ATP13A5: variants seen among roughly 807,000 people sequenced by gnomAD.
ATP13A5 encodes the protein ATPase 13A5.
In ATP13A5, 149 loss-of-function variants were observed where a neutral mutation model predicts 150.2. The ratio of observed to expected loss-of-function variants is 0.99; its 90% CI spans 0.87 to 1.14. The LOEUF is 1.14. Ranked by LOEUF, ATP13A5 falls within the 50% of genes most tolerant of loss-of-function variation. The probability of loss-of-function intolerance (pLI) is 0.00; values close to 1 mark genes in which losing one functional copy is unlikely to be tolerated. For synonymous variants in ATP13A5, 497 were observed against 522.2 expected (o/e 0.95, Z 0.66); for missense variants, 1,383 against 1,449.3 (o/e 0.95, Z 0.74).
intron 9 of ATP13A5, among the ~76,000 whole-genome samples, chr3:193,343,683 G>T (rs932034260): frequency 6.6e-6 from 1 of 151,008 alleles, no homozygotes; most frequent in Non-Finnish European, 1.5e-5. Flanking sequence ...CCACTAATTG[G>T]TCAATTAATC....
chr3:193,366,096 A>G (rs1269212522), intron 1 of ATP13A5, among the ~76,000 whole-genome samples: 1 of 152,100 alleles, frequency 6.6e-6, no homozygotes, highest in African/African-American at 2.4e-5. Context: ...TGGAAAAACC[A>G]AATGATAGCT....
At chr3:193,378,583 C>CT (rs1713724645) in intron 1 of ATP13A5, 80 bp downstream of exon 1, 1 of 1,249,820 alleles carries the variant, frequency 8.0e-7, no homozygotes, top group Non-Finnish European at 1.2e-6. Context: ...ATGCTACACT[C>CT]TATTTTCTAA....
chr3:193,314,369 A>G, intron 18 of ATP13A5, 176 bp from the exon 19 acceptor site: 1 of 605,182 alleles, frequency 1.7e-6, no homozygotes, highest in Admixed American at 3.1e-5. Flanking sequence ...CTATGTTCCC[A>G]TCTCCCTCTC....
rs1317437371 is a variant in ATP13A5 at position 193,335,009 on chromosome 3, T to C, written c.1034A>G (p.His345Arg). 1 of 1,613,878 alleles carries C rather than the reference T, an allele frequency of 6.2e-7. No individual in the cohort carries two copies. Among genetic ancestry groups the C allele is most frequent in the East Asian group, 2.2e-5 (1 of 44,892 alleles). ...KCHSLEDYRK[H>R]VLFCGTEVIQ... Reference sequence around the variant, plus strand: ...AACTTCTGTTCCACAGAAAAGGACGTGTTTCCTATAATCCTCCAAACTGTG... The same window carrying C: ...AACTTCTGTTCCACAGAAAAGGACGCGTTTCCTATAATCCTCCAAACTGTG... Residue 345 changes from histidine to arginine, a missense_variant, in exon 10 of 30, where the codon CAC becomes CGC. By Grantham distance (29) the His-to-Arg change is conservative. Transcript: ENST00000342358.
chr3:193,350,356 C>T (rs1438767097), intron 7 of ATP13A5, among the ~76,000 whole-genome samples: 1 of 152,078 alleles, frequency 6.6e-6, no homozygotes, highest in Non-Finnish European at 1.5e-5. Context: ...TTTCAGAATG[C>T]ATAACAATCA....
intron 7 of ATP13A5, among the ~76,000 whole-genome samples, chr3:193,346,175 C>T (rs1712328696): frequency 6.6e-6 from 1 of 152,046 alleles, no homozygotes. Flanking sequence ...TTATAGAGCC[C>T]TCTGTGTAGT....
chr3:193,277,974 T>A (rs1717300596), intron 28 of ATP13A5, among the ~76,000 whole-genome samples: 1 of 152,182 alleles, frequency 6.6e-6, no homozygotes, highest in Non-Finnish European at 1.5e-5. Context: ...CAGCTAATTT[T>A]TATATTTTTA....
intron 28 of ATP13A5, among the ~76,000 whole-genome samples, chr3:193,278,220 T>C (rs941664576): frequency 1.3e-5 from 2 of 152,244 alleles, no homozygotes; most frequent in African/African-American, 4.8e-5. Context: ...TGGAGCTTCG[T>C]GTTTGATAAA....
At chr3:193,305,220 A>G (rs1489497033) in intron 23 of ATP13A5, among the ~76,000 whole-genome samples, 1 of 152,216 alleles carries the variant, frequency 6.6e-6, no homozygotes, top group Non-Finnish European at 1.5e-5. Flanking sequence ...TTCCTCATCC[A>G]TCCAAAATTC....
chr3:193,325,354 G>A (rs536666423), intron 13 of ATP13A5, among the ~76,000 whole-genome samples: 1 of 152,306 alleles, frequency 6.6e-6, no homozygotes, highest in African/African-American at 2.4e-5. Context: ...TAAACAGGGT[G>A]TTTTGCCTAC....
At position 193,335,019 on chromosome 3, in the gene ATP13A5, A is replaced by G. The variant is rs756681730; in HGVS notation, c.1024T>C (p.Tyr342His). The G allele has an allele frequency of 4.3e-6, 7 of 1,613,838 alleles. No individual in the cohort carries two copies. Among genetic ancestry groups the G allele is most frequent in the Non-Finnish European group, 5.9e-6 (7 of 1,179,840 alleles). ...CCACAGAAAAGGACGTGTTTCCTAT[A>G]ATCCTCCAAACTGTGACATTTCCAA... ...MPWKCHSLED[Y>H]RKHVLFCGTE... is the part of the protein sequence containing the mutation. The change falls in exon 10 of 30, where the codon TAT (tyrosine) becomes CAT (histidine). Residue 342 changes from tyrosine (Y) to histidine (H), a missense_variant. Tyr to His is a moderately conservative substitution (Grantham distance 83, BLOSUM62 2). Around this residue, in one of 3 missense-constraint regions of ATP13A5, gnomAD observed 787 missense variants for 771.9 expected, o/e 1.02. Coordinates refer to ENST00000342358, the MANE Select transcript of ATP13A5 (RefSeq NM_198505.4).
rs1185046699 is a variant in ATP13A5 at position 193,373,558 on chromosome 3, C to T, written c.63+5105G>A. 3.3e-5 allele frequency among the ~76,000 whole-genome samples: 5 copies of T among 152,140 alleles called. No homozygotes were observed. The East Asian group carries it at 9.6e-4, about 29-fold the overall frequency. On this transcript the variant is annotated intron_variant, in intron 1 of 29. Transcript: ENST00000342358. ...CAGAAAAAAGAGAACATATCCTCAA[C>T]ACCAATCTCACTTAACATATGTATT... is the stretch of plus-strand genomic sequence containing the variant.
rs747098461 is a variant in ATP13A5, at chr3:193,279,350, A to G, written c.3315+16T>C. ...GTACATGAGTCATGCCAGATGTGCA[A>G]ATGAATGCCACTTACCTCCATTCCA... On this transcript the variant is annotated intron_variant, in intron 28 of 29. Coordinates refer to ENST00000342358, the MANE Select transcript of ATP13A5 (RefSeq NM_198505.4). 10 of 1,597,820 alleles carry G rather than the reference A, an allele frequency of 6.3e-6. No homozygotes were observed. In the South Asian group the frequency reaches 6.6e-5, roughly 11 times the overall value.
chr3:193,356,901 C>T (rs768538330), intron 5 of ATP13A5, among the ~76,000 whole-genome samples: 6 of 152,072 alleles, frequency 3.9e-5, no homozygotes, highest in Non-Finnish European at 7.4e-5. Flanking sequence ...CTTCAACTTC[C>T]GCCTCCCAGT....
chr3:193,276,754 A>G lies in ATP13A5; in HGVS notation c.3392T>C (p.Val1131Ala), dbSNP rs2271791. The G allele has an allele frequency of 0.46, 731,207 of 1,597,934 alleles. 173,478 individuals are homozygous for G. Among genetic ancestry groups the G allele is most frequent in the Admixed American group, 0.49 (29,356 of 59,392 alleles). ...AAAATATAGAGATTACTTTACCTCT[A>G]CAAAGAAAGCCACACAGAATTGGGT... ...ALTQFCVAFF[V>A]EDSILQNHEL... The change falls in exon 29 of 30, where the codon GTA (valine) becomes GCA (alanine). Residue 1131 changes from valine (V) to alanine (A), a missense_variant. Transcript: ENST00000342358.
At chr3:193,285,997 G>GT (rs1371894254) in intron 26 of ATP13A5, among the ~76,000 whole-genome samples, 1 of 151,948 alleles carries the variant, frequency 6.6e-6, no homozygotes, top group Non-Finnish European at 1.5e-5. Flanking sequence ...TTGTGGTTTT[G>GT]TTTTTTGGTT....
At chr3:193,333,957 G>C in intron 10 of ATP13A5, 50 bp from the exon 11 acceptor site, 11 of 1,560,690 alleles carry the variant, frequency 7.0e-6, no homozygotes, top group Non-Finnish European at 9.6e-6. Flanking sequence ...TGGACACTTG[G>C]TCTCCTAAAA....
Position 193,351,045 on chromosome 3 carries a change from T to C in ATP13A5, c.741+22A>G, listed in dbSNP as rs1268901049. ...CTTTAGCTAGAAGCTAAATAGAATC[T>C]GGCTGTGATTTCAGGTCTTACCTGT... On this transcript the variant is annotated intron_variant, in intron 7 of 29. Coordinates refer to ENST00000342358, the MANE Select transcript of ATP13A5 (RefSeq NM_198505.4). The C allele has an allele frequency of 5.0e-6, 8 of 1,611,816 alleles. No homozygotes were observed. The African/African-American group carries it at 1.1e-4, about 22-fold the overall frequency.
intron 5 of ATP13A5, among the ~76,000 whole-genome samples, chr3:193,359,378 C>G (rs1267812725): frequency 6.6e-6 from 1 of 152,102 alleles, no homozygotes; most frequent in Non-Finnish European, 1.5e-5. Flanking sequence ...CAGCCTCTCT[C>G]TGTCCTTCTC....
Sources: gnomAD v4.1 joint callset for allele counts (sites outside exome capture counted in the v4.1 genomes callset) on GRCh38, gnomAD v4.1.1 for gene constraint, gnomAD v4.1.1 regional missense constraint, MANE v1.5 for transcripts, NCBI Gene and HGNC (gene_info 2026-07-23, HGNC 2026-07-21) for gene names.